The following ABCA13 variants were observed in gnomAD, a reference collection of about 807,000 sequenced individuals.
The protein encoded by ABCA13 is ATP binding cassette subfamily A member 13.
Under a neutral mutation model 478.7 loss-of-function variants are expected in ABCA13, and 476 were observed. The ratio of observed to expected loss-of-function variants is 0.99; its 90% CI spans 0.92 to 1.07. The LOEUF (loss-of-function observed/expected upper bound fraction) is 1.07. ABCA13 is among the 50% of genes least tolerant of loss of function. The probability of loss-of-function intolerance (pLI) is 0.00; values close to 1 mark genes in which losing one functional copy is unlikely to be tolerated. For synonymous variants in ABCA13, 2,252 were observed against 2,158.9 expected (o/e 1.04, Z -1.20); for missense variants, 6,060 against 5,910.6 (o/e 1.03, Z -0.83).
intron 1 of ABCA13, among the ~76,000 whole-genome samples, chr7:48,181,586 G>A (rs1795704148): frequency 6.6e-6 from 1 of 150,936 alleles, no homozygotes; most frequent in South Asian, 2.1e-4. Flanking sequence ...AATTCAAGTA[G>A]CCTAATGCCC....
intron 41 of ABCA13, among the ~76,000 whole-genome samples, chr7:48,423,716 G>A (rs1199587508): frequency 3.3e-5 from 5 of 152,068 alleles, no homozygotes; most frequent in Non-Finnish European, 5.9e-5. Flanking sequence ...TACACCATAG[G>A]CATTGCTTTT....
At chr7:48,193,846 A>T (rs1797474215) in intron 2 of ABCA13, among the ~76,000 whole-genome samples, 1 of 33,080 alleles carries the variant, frequency 3.0e-5, no homozygotes, top group Admixed American at 3.3e-4. Context: ...GATGAAGATG[A>T]TGATAGTGAT....
At chr7:48,302,156 T>C (rs998065179) in intron 23 of ABCA13, among the ~76,000 whole-genome samples, 1 of 152,170 alleles carries the variant, frequency 6.6e-6, no homozygotes. Flanking sequence ...TTCCATCACA[T>C]GATGTTATTG....
At chr7:48,317,003 T>C (rs1375180377) in intron 26 of ABCA13, among the ~76,000 whole-genome samples, 154 bp from the exon 27 acceptor site, 1 of 152,164 alleles carries the variant, frequency 6.6e-6, no homozygotes, top group African/African-American at 2.4e-5. Flanking sequence ...AGGACAGATA[T>C]TCAAACTATA....
At chr7:48,610,467 C>T (rs1791921194) in intron 58 of ABCA13, among the ~76,000 whole-genome samples, 2 of 152,190 alleles carry the variant, frequency 1.3e-5, no homozygotes, top group South Asian at 4.1e-4. Flanking sequence ...GCAGTGCAAG[C>T]TGTCAGTGGA....
chr7:48,254,238 T>C (rs929639383), intron 15 of ABCA13, among the ~76,000 whole-genome samples: 20 of 152,070 alleles, frequency 1.3e-4, no homozygotes, highest in Admixed American at 4.6e-4. Context: ...CCTATTTTTT[T>C]CCCCAATTCC....
At chr7:48,559,859 G>A (rs894118895) in intron 55 of ABCA13, among the ~76,000 whole-genome samples, 5 of 152,176 alleles carry the variant, frequency 3.3e-5, no homozygotes, top group African/African-American at 1.2e-4. Context: ...GAGGCCTCAT[G>A]AATTTGCCTG....
chr7:48,310,966 T>G (rs1272492612), intron 24 of ABCA13, among the ~76,000 whole-genome samples: 1 of 151,966 alleles, frequency 6.6e-6, no homozygotes, highest in Non-Finnish European at 1.5e-5. Flanking sequence ...TTCCCCTCCT[T>G]CTGGCCTCTA....
chr7:48,300,302 T>C (rs1029002108), intron 23 of ABCA13, among the ~76,000 whole-genome samples: 3 of 152,274 alleles, frequency 2.0e-5, no homozygotes, highest in African/African-American at 7.2e-5. Context: ...GAAATCTTCA[T>C]TCATTCATTT....
Position 48,245,954 on chromosome 7 carries a change from T to C in ABCA13, c.1583T>C (p.Leu528Pro), listed in dbSNP as rs1332828341. ...PPGNSSIWGG[L>P]QGLLCYCNSS... ...GGAAACTCCAGCATATGGGGTGGTC[T>C]CCAGGGACTGTTGTGCTATTGTAAC... Residue 528 changes from leucine (L) to proline (P), a missense_variant, in exon 13 of 62, where the codon CTC becomes CCC. Around this residue, in one of 3 missense-constraint regions of ABCA13, gnomAD observed 4,423 missense variants for 4,309.1 expected, o/e 1.03. Coordinates refer to ENST00000435803, the MANE Select transcript of ABCA13 (RefSeq NM_152701.5). The C allele has an allele frequency of 1.9e-6, 3 of 1,613,860 alleles. No individual in the cohort carries two copies. The African/African-American group carries it at 4.0e-5, about 22-fold the overall frequency.
intron 42 of ABCA13, among the ~76,000 whole-genome samples, chr7:48,449,480 T>G (rs1253540660): frequency 6.6e-6 from 1 of 152,212 alleles, no homozygotes; most frequent in Non-Finnish European, 1.5e-5. Flanking sequence ...GTACCCTATC[T>G]AACAGGGAAG....
At chr7:48,215,215 G>C (rs1170246241) in intron 3 of ABCA13, among the ~76,000 whole-genome samples, 3 of 152,114 alleles carry the variant, frequency 2.0e-5, no homozygotes, top group Non-Finnish European at 4.4e-5. Flanking sequence ...TCATTGTAGG[G>C]TTATTAATTA....
intron 48 of ABCA13, among the ~76,000 whole-genome samples, chr7:48,499,707 A>G (rs1830575272): frequency 6.6e-6 from 1 of 152,234 alleles, no homozygotes; most frequent in African/African-American, 2.4e-5. Context: ...CAACATGTAC[A>G]TTTTGAAACG....
chr7:48,418,905 G>A (rs1458255822), intron 41 of ABCA13, among the ~76,000 whole-genome samples: 1 of 152,162 alleles, frequency 6.6e-6, no homozygotes, highest in Admixed American at 6.6e-5. Flanking sequence ...ACCTGAGACT[G>A]GGTAATTTAT....
Position 48,507,852 on chromosome 7 carries a change from C to T in ABCA13, c.13347-20C>T. 1 of 1,581,252 alleles carries T rather than the reference C, an allele frequency of 6.3e-7. No individual in the cohort carries two copies. The highest frequency in any genetic ancestry group is 8.6e-7 in the Non-Finnish European group (1 of 1,160,310). ...GTGTTCTTCGTCAGGTGCCTGAGAG[C>T]TGCTCTGTTCCACCCGCAGCCTGGA... On this transcript the variant is annotated intron_variant, in intron 49 of 61. Coordinates refer to ENST00000435803, the MANE Select transcript of ABCA13 (RefSeq NM_152701.5).
chr7:48,321,770 G>T (rs1001368811), intron 27 of ABCA13, among the ~76,000 whole-genome samples: 1 of 152,178 alleles, frequency 6.6e-6, no homozygotes, highest in Non-Finnish European at 1.5e-5. Context: ...CAGGAGCCGA[G>T]GTGAGAAGGA....
intron 55 of ABCA13, among the ~76,000 whole-genome samples, chr7:48,553,818 G>A (rs1785536043): frequency 6.6e-6 from 1 of 151,914 alleles, no homozygotes; most frequent in African/African-American, 2.4e-5. Flanking sequence ...AACTTGATGT[G>A]ATCCCATTTG....
intron 3 of ABCA13, among the ~76,000 whole-genome samples, chr7:48,201,178 G>C (rs984824501): frequency 2.0e-5 from 3 of 152,238 alleles, no homozygotes; most frequent in Non-Finnish European, 2.9e-5. Flanking sequence ...CATTCAATAA[G>C]AAGTATAGCA....
At position 48,269,051 on chromosome 7, in the gene ABCA13, T is replaced by G. The variant is rs1382432715; in HGVS notation, c.2077T>G (p.Phe693Val). The change falls in exon 16 of 62, where the codon TTT (phenylalanine) becomes GTT (valine). Residue 693 changes from phenylalanine (F) to valine (V), a missense_variant. Phe to Val is a conservative substitution (Grantham distance 50, BLOSUM62 -1). Transcript: ENST00000435803. ...WKMISDNYFQ[F>V]LNNLLKSPTA... ...AATGATCAGTGATAATTATTTTCAA[T>G]TTTTGAATAACTTACTCAAGTCTCC... 1 of 1,601,668 alleles carries G rather than the reference T, an allele frequency of 6.2e-7. No individual in the cohort carries two copies. Among genetic ancestry groups the G allele is most frequent in the Admixed American group, 1.7e-5 (1 of 59,856 alleles).
Sources: allele counts gnomAD v4.1 joint callset (sites outside exome capture counted in the v4.1 genomes callset), GRCh38; gene constraint gnomAD v4.1.1; regional missense constraint gnomAD v4.1.1; transcripts MANE v1.5; gene names NCBI Gene and HGNC (gene_info 2026-07-23, HGNC 2026-07-21).